The following GALNT13 variants were observed in gnomAD, a reference collection of about 807,000 sequenced individuals.
GALNT13 encodes UDP-GalNAc:polypeptide N-acetylgalactosaminyltransferase 13.
A neutral mutation model predicts 64.2 loss-of-function variants in GALNT13; 28 were observed. The ratio of observed to expected loss-of-function variants is 0.44; its 90% CI spans 0.32 to 0.60. The LOEUF (loss-of-function observed/expected upper bound fraction) is 0.60. Ranked by LOEUF, GALNT13 falls within the 20% of genes least tolerant of loss-of-function variation. GALNT13 has a pLI of 0.05. For synonymous variants in GALNT13, 214 were observed against 224.6 expected (o/e 0.95, Z 0.42); for missense variants, 577 against 669.8 (o/e 0.86, Z 1.53).
At chr2:153,447,006 C>T in the GALNT13 span, 5 of 152,156 alleles carry the variant, frequency 3.3e-5, no homozygotes, top group Non-Finnish European at 7.4e-5. Flanking sequence ...CATAGACACA[C>T]ATATTCTTTA....
At chr2:154,441,068 T>C (rs1314858539) in intron 12 of GALNT13, among the ~76,000 whole-genome samples, 1 of 152,144 alleles carries the variant, frequency 6.6e-6, no homozygotes. Context: ...CTAAACACAC[T>C]GAATCCAAGT....
chr2:154,227,887 A>G (rs1688707217), intron 4 of GALNT13, among the ~76,000 whole-genome samples: 1 of 152,058 alleles, frequency 6.6e-6, no homozygotes, highest in African/African-American at 2.4e-5. Context: ...TGGCTCTAGT[A>G]TATTGACTTT....
the GALNT13 span, among the ~76,000 whole-genome samples, chr2:153,585,920 G>A: frequency 1.3e-5 from 2 of 152,146 alleles, no homozygotes; most frequent in African/African-American, 2.4e-5. Flanking sequence ...TTTCTCAGAT[G>A]AGAAAATGTC....
At chr2:153,726,750 C>T in the GALNT13 span, among the ~76,000 whole-genome samples, 1 of 151,902 alleles carries the variant, frequency 6.6e-6, no homozygotes, top group Non-Finnish European at 1.5e-5. Flanking sequence ...ACCATCCTGG[C>T]TAACACGGTG....
At chr2:153,328,880 G>A in the GALNT13 span, among the ~76,000 whole-genome samples, 8 of 152,108 alleles carry the variant, frequency 5.3e-5, no homozygotes, top group Non-Finnish European at 7.4e-5. Flanking sequence ...CAGCTATCTC[G>A]GTGTCTGCCC....
At chr2:154,206,936 C>T (rs914171046) in intron 4 of GALNT13, among the ~76,000 whole-genome samples, 2 of 152,128 alleles carry the variant, frequency 1.3e-5, no homozygotes, top group African/African-American at 4.8e-5. Flanking sequence ...TCTTTCTCAT[C>T]TCTGATATCA....
intron 8 of GALNT13, among the ~76,000 whole-genome samples, chr2:154,298,764 TAA>T (rs1693219660): frequency 1.6e-5 from 2 of 125,574 alleles, no homozygotes; most frequent in African/African-American, 6.0e-5. Flanking sequence ...ATACTATATA[TAA>T]ATTATATATT....
chr2:153,878,466 C>T (rs763560045), intron 1 of GALNT13, among the ~76,000 whole-genome samples: 4 of 152,202 alleles, frequency 2.6e-5, no homozygotes, highest in Non-Finnish European at 5.9e-5. Flanking sequence ...TTATTCCATT[C>T]TCTTCCTAGT....
At chr2:154,049,784 C>T (rs1699484656) in intron 3 of GALNT13, among the ~76,000 whole-genome samples, 1 of 151,838 alleles carries the variant, frequency 6.6e-6, no homozygotes, top group Non-Finnish European at 1.5e-5. Flanking sequence ...TTGTCTATTA[C>T]TGATTATGTA....
chr2:153,542,736 T>C, the GALNT13 span, among the ~76,000 whole-genome samples: 88,638 of 152,082 alleles, frequency 0.58, 28,864 homozygotes, highest in African/African-American at 0.86. Context: ...AGAAGTTGCA[T>C]AGCTAGGCCT....
At chr2:154,311,398 T>C (rs1469430063) in intron 9 of GALNT13, among the ~76,000 whole-genome samples, 2 of 152,078 alleles carry the variant, frequency 1.3e-5, no homozygotes, top group Non-Finnish European at 2.9e-5. Flanking sequence ...GGATCCGTGA[T>C]GCCCCACAAG....
the GALNT13 span, among the ~76,000 whole-genome samples, chr2:153,859,150 G>A: frequency 6.6e-6 from 1 of 152,212 alleles, no homozygotes; most frequent in Non-Finnish European, 1.5e-5. Context: ...AATAATCCAT[G>A]TGAGAAATGA....
rs201314280 is a variant in GALNT13, at chr2:154,029,602, C to G, written c.142+84963C>G. 4.6e-5 allele frequency among the ~76,000 whole-genome samples: 7 copies of G among 152,126 alleles called. No individual in the cohort carries two copies. In the East Asian group the frequency reaches 1.2e-3, roughly 25 times the overall value. ...TCATTCTCATTTAAAGACATAAACACTATTTACTCATTCTTTAATGTCCTA... is the reference window on the plus strand; with the variant it reads ...TCATTCTCATTTAAAGACATAAACAGTATTTACTCATTCTTTAATGTCCTA... On this transcript the variant is annotated intron_variant, in intron 3 of 12. Coordinates refer to ENST00000392825, the MANE Select transcript of GALNT13 (RefSeq NM_052917.4).
At chr2:153,751,845 A>T in the GALNT13 span, among the ~76,000 whole-genome samples, 1 of 151,744 alleles carries the variant, frequency 6.6e-6, no homozygotes, top group Non-Finnish European at 1.5e-5. Context: ...TATTATTTAT[A>T]TGTAAGAACT....
At chr2:153,793,267 C>T in the GALNT13 span, among the ~76,000 whole-genome samples, 3 of 152,032 alleles carry the variant, frequency 2.0e-5, no homozygotes, top group Non-Finnish European at 4.4e-5. Context: ...CCACCGCACC[C>T]GGCCCTGAGG....
the GALNT13 span, among the ~76,000 whole-genome samples, chr2:153,736,071 C>A: frequency 1.3e-5 from 2 of 152,084 alleles, no homozygotes; most frequent in Non-Finnish European, 1.5e-5. Context: ...GTTTTTTAGT[C>A]GAAACAACAA....
intron 8 of GALNT13, among the ~76,000 whole-genome samples, chr2:154,289,976 C>T (rs1472114123): frequency 6.6e-6 from 1 of 152,144 alleles, no homozygotes; most frequent in Non-Finnish European, 1.5e-5. Flanking sequence ...TTTCTTGTTC[C>T]CTGTGGTCTA....
chr2:154,445,660 T>G, intron 12 of GALNT13: 2 of 293,208 alleles, frequency 6.8e-6, no homozygotes, highest in Non-Finnish European at 1.3e-5. Flanking sequence ...TTACAAATTA[T>G]GTACTATTTT....
the GALNT13 span, among the ~76,000 whole-genome samples, chr2:153,080,211 T>C: frequency 6.6e-6 from 1 of 152,170 alleles, no homozygotes; most frequent in African/African-American, 2.4e-5. Context: ...TCTAAAAAAT[T>C]ATTTTCAGAT....
Sources: gnomAD v4.1 joint callset for allele counts (sites outside exome capture counted in the v4.1 genomes callset) on GRCh38, gnomAD v4.1.1 for gene constraint, MANE v1.5 for transcripts, NCBI Gene and HGNC (gene_info 2026-07-23, HGNC 2026-07-21) for gene names.